Variants in CHL1 observed in about 807,000 individuals in gnomAD.
CHL1 encodes the protein cell adhesion molecule L1 like, also known as neural cell adhesion molecule L1-like protein.
In CHL1, 96 loss-of-function variants were observed where a neutral mutation model predicts 141.9. That is an observed-to-expected ratio of 0.68 (90% confidence interval 0.57 to 0.80). The LOEUF is 0.80. Ranked by LOEUF, CHL1 falls within the 30% of genes least tolerant of loss-of-function variation. The pLI, the probability that CHL1 is intolerant of heterozygous loss-of-function variation, is 0.00. For synonymous variants in CHL1, 613 were observed against 502.2 expected, an observed-to-expected ratio of 1.22 and a Z score of -2.95; for missense variants, 1,820 against 1,457.2, an observed-to-expected ratio of 1.25 and a Z score of -4.05.
At chr3:386,601 C>G (rs1559344589) in intron 19 of CHL1, among the ~76,000 whole-genome samples, 1 of 152,126 alleles carries the variant, frequency 6.6e-6, no homozygotes, top group African/African-American at 2.4e-5. Flanking sequence ...TAACTTTGCT[C>G]AGCAAAATAA....
chr3:314,359 A>C (rs1700004971), intron 2 of CHL1, among the ~76,000 whole-genome samples: 1 of 115,124 alleles, frequency 8.7e-6, no homozygotes, highest in Non-Finnish European at 1.8e-5. Flanking sequence ...ATATATATAT[A>C]TATATATATA....
chr3:223,419 T>C (rs1701039018), intron 1 of CHL1, among the ~76,000 whole-genome samples: 1 of 152,232 alleles, frequency 6.6e-6, no homozygotes, highest in Non-Finnish European at 1.5e-5. Flanking sequence ...AGTAATTTAC[T>C]ATTCAGAATG....
intron 5 of CHL1, among the ~76,000 whole-genome samples, chr3:332,324 T>A (rs1701504774): frequency 6.6e-6 from 1 of 152,174 alleles, no homozygotes; most frequent in Non-Finnish European, 1.5e-5. Flanking sequence ...ATTGGTATAA[T>A]TTTATTGTTA....
chr3:382,166 C>G lies in CHL1; in HGVS notation c.1877-13C>G. 1.2e-6 allele frequency: 2 copies of G among 1,604,906 alleles called. No individual in the cohort carries two copies. The highest frequency in any genetic ancestry group is 1.7e-6 in the Non-Finnish European group (2 of 1,172,970). On this transcript the variant is annotated splice_polypyrimidine_tract_variant and intron_variant, in intron 16 of 27. Transcript: ENST00000256509. The stretch of plus-strand genomic sequence containing the variant: ...AGGCAATTATCTACATTTTCCCTTC[C>G]TTTATTAATTAGATGTTCCGGATCC...
At chr3:259,332 G>GTGTGTT (rs1553599650) in intron 2 of CHL1, among the ~76,000 whole-genome samples, 4 of 151,800 alleles carry the variant, frequency 2.6e-5, no homozygotes, top group African/African-American at 9.7e-5. Context: ...GCGTGTGTGT[G>GTGTGTT]TGTGTGATAT....
intron 10 of CHL1, among the ~76,000 whole-genome samples, chr3:350,448 G>C (rs1023311568): frequency 6.6e-6 from 1 of 152,140 alleles, no homozygotes; most frequent in African/African-American, 2.4e-5. Context: ...TACTTATTTA[G>C]TGCAGTGTAA....
rs17018534 is a variant in CHL1 at position 279,028 on chromosome 3, G to A, written c.-95+34336G>A. ...CAGATCTTAGTATTCTAATGGGGACGCACGAAAAAGGGACCCACAGAAAAA... is the reference window on the plus strand; with the variant it reads ...CAGATCTTAGTATTCTAATGGGGACACACGAAAAAGGGACCCACAGAAAAA... On this transcript the variant is annotated intron_variant, in intron 2 of 27. Transcript: ENST00000256509. Among the ~76,000 whole-genome samples the A allele has an allele frequency of 4.2e-3, 642 of 152,124 alleles. 10 individuals are homozygous for A. The highest frequency in any genetic ancestry group is 0.015 in the African/African-American group (611 of 41,514).
chr3:300,451 A>T (rs1198195799), intron 2 of CHL1, among the ~76,000 whole-genome samples: 2 of 152,186 alleles, frequency 1.3e-5, no homozygotes, highest in Admixed American at 1.3e-4. Flanking sequence ...AGCACATTCA[A>T]TGGCAAGAAC....
chr3:371,453 G>T (rs1705621385), intron 15 of CHL1, among the ~76,000 whole-genome samples: 1 of 152,074 alleles, frequency 6.6e-6, no homozygotes, highest in South Asian at 2.1e-4. Flanking sequence ...CTTTCCATTT[G>T]CTTGGTAAAT....
chr3:392,389 G>A lies in CHL1; in HGVS notation c.2914+592G>A, dbSNP rs144303511. Among the ~76,000 whole-genome samples, 414 of 152,322 alleles carry A rather than the reference G, an allele frequency of 2.7e-3. 3 individuals carry two copies. The highest frequency in any genetic ancestry group is 4.4e-3 in the Non-Finnish European group (302 of 68,032). ...CTCACTGTTTCATGGAGATGATATT[G>A]CAAGGACTAAATAATTGTCTTTGGA... is the stretch of plus-strand genomic sequence containing the variant. On this transcript the variant is annotated intron_variant, in intron 23 of 27. Coordinates refer to ENST00000256509, the MANE Select transcript of CHL1 (RefSeq NM_006614.4).
intron 15 of CHL1, among the ~76,000 whole-genome samples, chr3:366,461 A>ACT (rs1366842176): frequency 2.0e-5 from 2 of 101,990 alleles, no homozygotes; most frequent in African/African-American, 5.8e-5. Flanking sequence ...ACAGAGAGAG[A>ACT]CTCTGTCTCA....
At chr3:337,216 G>T (rs1461827821) in intron 5 of CHL1, among the ~76,000 whole-genome samples, 1 of 134,698 alleles carries the variant, frequency 7.4e-6, no homozygotes, top group Non-Finnish European at 1.6e-5. Flanking sequence ...TTTGAGACGG[G>T]GTCTTGCTCT....
intron 1 of CHL1, among the ~76,000 whole-genome samples, chr3:223,858 GTCT>G (rs1559294463): frequency 6.6e-6 from 1 of 152,154 alleles, no homozygotes; most frequent in Non-Finnish European, 1.5e-5. Context: ...GGTCAAAGCT[GTCT>G]TCTTACATGA....
chr3:288,399 G>C (rs1003265665), intron 2 of CHL1, among the ~76,000 whole-genome samples: 2 of 151,794 alleles, frequency 1.3e-5, no homozygotes, highest in African/African-American at 4.8e-5. Flanking sequence ...ATATCCAGAA[G>C]GTAATTAGCA....
chr3:348,551 T>C (rs895531147), intron 9 of CHL1, among the ~76,000 whole-genome samples: 1 of 152,202 alleles, frequency 6.6e-6, no homozygotes, highest in Non-Finnish European at 1.5e-5. Context: ...GAGGGGTTTT[T>C]CTTAATGTAG....
chr3:300,858 G>A (rs1274744415), intron 2 of CHL1, among the ~76,000 whole-genome samples: 1 of 152,186 alleles, frequency 6.6e-6, no homozygotes, highest in African/African-American at 2.4e-5. Flanking sequence ...TGAAGGATAA[G>A]AGTTGCCATC....
In CHL1 at chr3:196,883, G is replaced by C. The variant is rs2271500; in HGVS notation, c.-355G>C. 0.2 allele frequency: 30,322 copies of C among 152,552 alleles called. 3,351 individuals carry two copies. The highest frequency in any genetic ancestry group is 0.41 in the South Asian group (1,988 of 4,836). The allele number at this position is 152,552 out of a possible 1,614,324, so 9.4% of individuals were successfully genotyped here. A position where few individuals can be genotyped will look rare whatever the true frequency, so the allele number is the denominator to read the frequency against. On this transcript the variant is annotated 5_prime_UTR_variant, in exon 1 of 28. Coordinates refer to ENST00000256509, the MANE Select transcript of CHL1 (RefSeq NM_006614.4). ...CAGAGAGCCAGCGGCGGGAGGGGAC[G>C]GGCGGGACCTCCGCGGACAGCCCCG...
Position 405,868 on chromosome 3 carries a change from T to C in CHL1, c.*157T>C, listed in dbSNP as rs1709502501. 1.7e-6 allele frequency: 1 copy of C among 593,322 alleles called. No individual in the cohort carries two copies. The highest frequency in any genetic ancestry group is 3.1e-5 in the Admixed American group (1 of 32,666). 36.8% of individuals were successfully genotyped at this position (593,322 alleles called of 1,614,324 possible). On this transcript the variant is annotated 3_prime_UTR_variant, in exon 28 of 28. Transcript: ENST00000256509. ...AATTATGTTGAAAAGAGTAGTACTT[T>C]CTTCAAAATATAAAATGCCAAGCAC...
intron 1 of CHL1, among the ~76,000 whole-genome samples, chr3:242,223 T>C (rs1412541613): frequency 2.0e-5 from 3 of 152,178 alleles, no homozygotes; most frequent in Non-Finnish European, 4.4e-5. Flanking sequence ...ATATTTCTTG[T>C]TTCATTCTAA....
Sources: allele counts gnomAD v4.1 joint callset (sites outside exome capture counted in the v4.1 genomes callset), GRCh38; gene constraint gnomAD v4.1.1; transcripts MANE v1.5; gene names NCBI Gene and HGNC (gene_info 2026-07-23, HGNC 2026-07-21).